The following TJP2 variants were observed in gnomAD, a reference collection of about 807,000 sequenced individuals.
TJP2 encodes Friedreich ataxia region gene X104 (tight junction protein ZO-2).
TJP2 carries 91 observed loss-of-function variants against 133.1 expected under a neutral mutation model. The ratio of observed to expected loss-of-function variants is 0.68; its 90% CI spans 0.58 to 0.81. The LOEUF is 0.81. Among genes scored for constraint, TJP2 ranks in the 40% least tolerant of loss-of-function variants. The pLI is 0.00. For missense variants in TJP2, 1,541 were observed against 1,565.6 expected (o/e 0.98, Z 0.26); for synonymous variants, 592 against 583.4 (o/e 1.01, Z -0.21).
Position 69,216,325 on chromosome 9 carries a change from TC to T in TJP2, c.115-13del, listed in dbSNP as rs1269580450. 6.8e-6 allele frequency: 11 copies of T among 1,614,002 alleles called. No individual in the cohort carries two copies. Among genetic ancestry groups the T allele is most frequent in the Non-Finnish European group, 9.3e-6 (11 of 1,180,008 alleles). ...ATTGAAGGATTTTTAATATTTCTCC[TC>T]TCTGATGTACAGGATTCCAAAAGAG... On this transcript the variant is annotated splice_polypyrimidine_tract_variant and intron_variant, in intron 2 of 22. Transcript: ENST00000377245.
intron 21 of TJP2, 114 bp downstream of exon 21, chr9:69,251,478 C>A: frequency 8.8e-7 from 1 of 1,131,270 alleles, no homozygotes; most frequent in African/African-American, 1.5e-5. Flanking sequence ...ATGCACTGCA[C>A]CAAAGGCAGG....
intron 1 of TJP2, among the ~76,000 whole-genome samples, chr9:69,142,955 G>A (rs943584275): frequency 6.6e-6 from 1 of 152,182 alleles, no homozygotes; most frequent in African/African-American, 2.4e-5. Flanking sequence ...ATTATGAAGT[G>A]TCATATCTGG....
intron 2 of TJP2, among the ~76,000 whole-genome samples, chr9:69,158,037 G>T (rs537562463): frequency 6.6e-6 from 1 of 150,386 alleles, no homozygotes; most frequent in Non-Finnish European, 1.5e-5. Flanking sequence ...GTGGCTGGCC[G>T]GGTGCGGTGA....
intron 1 of TJP2, among the ~76,000 whole-genome samples, chr9:69,197,392 G>A (rs1453452346): frequency 6.6e-6 from 1 of 152,122 alleles, no homozygotes; most frequent in East Asian, 1.9e-4. Context: ...TGGACATTTG[G>A]GCTGTTTCCA....
At chr9:69,155,951 C>CATT (rs1435018669) in intron 2 of TJP2, among the ~76,000 whole-genome samples, 1 of 152,172 alleles carries the variant, frequency 6.6e-6, no homozygotes, top group Non-Finnish European at 1.5e-5. Context: ...AGAGCCTGTA[C>CATT]ATTAAAAGAG....
intron 1 of TJP2, among the ~76,000 whole-genome samples, chr9:69,140,237 G>A (rs913648118): frequency 2.0e-5 from 3 of 152,114 alleles, no homozygotes; most frequent in African/African-American, 2.4e-5. Context: ...ACACTTACAC[G>A]GTGTATATTA....
chr9:69,157,555 T>A (rs1823836041), intron 2 of TJP2, among the ~76,000 whole-genome samples: 1 of 149,818 alleles, frequency 6.7e-6, no homozygotes. Flanking sequence ...AACCTCCACC[T>A]CCCGGGTTCA....
Position 69,221,243 on chromosome 9 carries a change from G to T in TJP2, c.699G>T (p.Arg233=). The T allele has an allele frequency of 3.1e-6, 5 of 1,607,564 alleles. No homozygotes were observed. The highest frequency in any genetic ancestry group is 4.2e-6 in the Non-Finnish European group (5 of 1,177,432). Reference sequence around the variant, plus strand: ...TGGACCACGACTTTGGGCCATCCCGGGACCGGGACCGTGACCGCAGCCGCG... The same window carrying T: ...TGGACCACGACTTTGGGCCATCCCGTGACCGGGACCGTGACCGCAGCCGCG... ...RGLDHDFGPS[R]DRDRDRSRGR... is the part of the protein sequence containing the mutation. The change falls in exon 5 of 23, where the codon CGG becomes CGT. Residue 233 remains arginine (R), a synonymous_variant. Transcript: ENST00000377245.
In TJP2 at chr9:69,254,357, C is replaced by T. The variant is rs112109886; in HGVS notation, c.3556C>T (p.Arg1186Trp). 18 of 1,614,194 alleles carry T rather than the reference C, an allele frequency of 1.1e-5. No individual in the cohort carries two copies. The highest frequency in any genetic ancestry group is 1.7e-5 in the Admixed American group (1 of 60,024). Residue 1186 changes from arginine to tryptophan, a missense_variant, in exon 23 of 23, where the codon CGG (arginine) becomes TGG (tryptophan). Transcript: ENST00000377245. ...TTACTATGGCCAGTCTGCCCGATAC[C>T]GGGACACAGAATTATAGATGTCTGA... is the stretch of plus-strand genomic sequence containing the variant. ...RGYYGQSARY[R>W]DTEL
intron 2 of TJP2, among the ~76,000 whole-genome samples, chr9:69,167,235 AAAACAT>A (rs1032506416): frequency 7.2e-4 from 109 of 152,174 alleles, no homozygotes; most frequent in African/African-American, 2.5e-3. Context: ...GACTGTCTCA[AAAACAT>A]AAAAATAAAA....
intron 1 of TJP2, among the ~76,000 whole-genome samples, chr9:69,189,099 A>G (rs1378175588): frequency 6.6e-6 from 1 of 152,222 alleles, no homozygotes; most frequent in Non-Finnish European, 1.5e-5. Flanking sequence ...TTCTTCTACT[A>G]TCTAACTGAC....
intron 1 of TJP2, among the ~76,000 whole-genome samples, chr9:69,140,588 GGT>G (rs1316610859): frequency 6.6e-6 from 1 of 152,116 alleles, no homozygotes; most frequent in Non-Finnish European, 1.5e-5. Context: ...TGATGTGAGG[GGT>G]GTTCCTTTCC....
chr9:69,183,022 C>G (rs1214412239), intron 1 of TJP2, among the ~76,000 whole-genome samples: 1 of 151,798 alleles, frequency 6.6e-6, no homozygotes, highest in Non-Finnish European at 1.5e-5. Context: ...ATCTCGAACT[C>G]CTGATCTCGG....
At chr9:69,175,129 A>G (rs916476773) in intron 1 of TJP2, among the ~76,000 whole-genome samples, 2 of 152,244 alleles carry the variant, frequency 1.3e-5, no homozygotes, top group African/African-American at 4.8e-5. Context: ...AAATGTGGAC[A>G]AACTTGGGAG....
chr9:69,219,858 C>T (rs1828678140), intron 4 of TJP2, among the ~76,000 whole-genome samples: 1 of 152,108 alleles, frequency 6.6e-6, no homozygotes, highest in Admixed American at 6.6e-5. Context: ...ACCCCACCCC[C>T]CACTTTAAAA....
intron 10 of TJP2, 47 bp from the exon 11 acceptor site, chr9:69,230,035 T>C: frequency 6.2e-7 from 1 of 1,610,894 alleles, no homozygotes; most frequent in Non-Finnish European, 8.5e-7. Flanking sequence ...TTCTCCCTTT[T>C]AAAAAATATC....
At chr9:69,207,765 C>T (rs971574604) in intron 1 of TJP2, among the ~76,000 whole-genome samples, 1 of 152,152 alleles carries the variant, frequency 6.6e-6, no homozygotes, top group South Asian at 2.1e-4. Context: ...GACCAGAGCC[C>T]GGTGGCCTAG....
At chr9:69,159,586 T>C (rs764054754) in intron 2 of TJP2, among the ~76,000 whole-genome samples, 1 of 152,008 alleles carries the variant, frequency 6.6e-6, no homozygotes, top group South Asian at 2.1e-4. Flanking sequence ...AGAATAAATA[T>C]GGTAATAGTT....
chr9:69,239,916 CT>C lies in TJP2; in HGVS notation c.2356-17del, dbSNP rs771111731. 5 of 1,602,264 alleles carry C rather than the reference CT, an allele frequency of 3.1e-6. No homozygotes were observed. In the South Asian group the frequency reaches 3.3e-5, roughly 11 times the overall value. On this transcript the variant is annotated intron_variant, in intron 16 of 22. Transcript: ENST00000377245. ...TTACTTTATATATCCATTTCTCTAA[CT>C]TTTCCCCTTTTGTAAACAGGATAAG...
Sources: gnomAD v4.1 joint callset for allele counts (sites outside exome capture counted in the v4.1 genomes callset) on GRCh38, gnomAD v4.1.1 for gene constraint, MANE v1.5 for transcripts, NCBI Gene and HGNC (gene_info 2026-07-23, HGNC 2026-07-21) for gene names.